LAMA5: variants seen among roughly 807,000 people sequenced by gnomAD.
LAMA5 encodes the protein laminin subunit alpha 5.
A neutral mutation model predicts 433.4 loss-of-function variants in LAMA5; 260 were observed. That is an observed-to-expected ratio of 0.60 (90% confidence interval 0.54 to 0.66). The LOEUF (loss-of-function observed/expected upper bound fraction) is 0.66, where lower values mean the gene tolerates loss of function less well. Among genes scored for constraint, LAMA5 ranks in the 30% least tolerant of loss-of-function variants. The pLI is 0.00. For missense variants in LAMA5, 5,378 were observed against 5,258.5 expected (o/e 1.02, Z -0.70); for synonymous variants, 2,620 against 2,226.6 (o/e 1.18, Z -4.97).
rs777400774 is a variant in LAMA5, at chr20:62,309,772, G to A, written c.10892C>T (p.Pro3631Leu). The A allele has an allele frequency of 3.7e-6, 6 of 1,605,158 alleles. No individual in the cohort carries two copies. The South Asian group carries it at 5.5e-5, about 15-fold the overall frequency. Residue 3631 changes from proline to leucine, a missense_variant, in exon 79 of 80, where the codon CCC (proline) becomes CTC (leucine). Transcript: ENST00000252999. ...VDAQSNHTVGPLLAAAAGAPA... is the reference protein window; with the variant it reads ...VDAQSNHTVGLLLAAAAGAPA... The stretch of plus-strand genomic sequence containing the variant: ...GGCACCAGCTGCAGCCGCCAGCAAG[G>A]GGCCCACGGTGTGGTTGCTCTGCGC...
Position 62,335,200 on chromosome 20 carries a change from T to C in LAMA5, c.2376+17A>G, listed in dbSNP as rs751541725. On this transcript the variant is annotated intron_variant, in intron 19 of 79. Coordinates refer to ENST00000252999, the MANE Select transcript of LAMA5 (RefSeq NM_005560.6). The stretch of plus-strand genomic sequence containing the variant: ...AGTGTGCCCCCAAATCCCCCACACC[T>C]TGGTCCTCAGACTCACCGGCTGGCA... 3 of 1,612,578 alleles carry C rather than the reference T, an allele frequency of 1.9e-6. No individual in the cohort carries two copies. Among genetic ancestry groups the C allele is most frequent in the Non-Finnish European group, 2.5e-6 (3 of 1,179,474 alleles).
chr20:62,313,932 G>A lies in LAMA5; in HGVS notation c.8505-130C>T, dbSNP rs549915910. ...TGGCGAGTGGGCACGGAGAGACGAG[G>A]GGTGGCGAGTGGGCATGGAGAGACG... On this transcript the variant is annotated intron_variant, in intron 62 of 79. Coordinates refer to ENST00000252999, the MANE Select transcript of LAMA5 (RefSeq NM_005560.6). 1.2e-3 allele frequency: 1,195 copies of A among 980,696 alleles called. 20 individuals carry two copies. Among genetic ancestry groups the A allele is most frequent in the African/African-American group, 2.6e-3 (146 of 55,374 alleles). The allele number at this position is 980,696 out of a possible 1,614,324, so 60.7% of individuals were successfully genotyped here.
rs765342834 is a variant in LAMA5, at chr20:62,346,120, C to T, written c.1378G>A (p.Val460Met). The stretch of plus-strand genomic sequence containing the variant: ...AAGCCCGTGAAGCCCTCGGCACACA[C>T]GTCACACCGCTCCCCAGAGAAGTTG... ...RPNFSGERCD[V>M]CAEGFTGFPS... The change falls in exon 10 of 80, where the codon GTG becomes ATG. Residue 460 changes from valine to methionine, a missense_variant. Physicochemically the swap from Val to Met is conservative, Grantham distance 21 (BLOSUM62 1). Coordinates refer to ENST00000252999, the MANE Select transcript of LAMA5 (RefSeq NM_005560.6). 44 of 1,612,958 alleles carry T rather than the reference C, an allele frequency of 2.7e-5. No individual in the cohort carries two copies. Among genetic ancestry groups the T allele is most frequent in the Middle Eastern group, 3.3e-4 (2 of 6,084 alleles).
chr20:62,310,469 G>C lies in LAMA5; in HGVS notation c.10550C>G (p.Pro3517Arg). The change falls in exon 76 of 80, where the codon CCC becomes CGC. Residue 3517 changes from proline (P) to arginine (R), a missense_variant. Coordinates refer to ENST00000252999, the MANE Select transcript of LAMA5 (RefSeq NM_005560.6). ...TGGGAAGAACAGGCCCGCCTCCAGG[G>C]GGCCCAAGATGCAGGGTGTGACCCC... ...MAGVTPCILG[P>R]LEAGLFFPGS... The C allele has an allele frequency of 6.3e-7, 1 of 1,598,236 alleles. No homozygotes were observed. The highest frequency in any genetic ancestry group is 1.1e-5 in the South Asian group (1 of 88,826).
intron 6 of LAMA5, chr20:62,351,255 G>T (rs1984244099): frequency 4.4e-6 from 1 of 227,980 alleles, no homozygotes; most frequent in Non-Finnish European, 8.8e-6. Context: ...AAGGTTGGGG[G>T]AGCTGGGCGG....
In LAMA5 at chr20:62,327,966, G is replaced by C. The variant is rs149169462; in HGVS notation, c.4697C>G (p.Pro1566Arg). ...GCAGCGGGGGTAGCCATGGAAGCCCGGAGAGCAGGTATCACAGCGGCGCCC... is the reference window on the plus strand; with the variant it reads ...GCAGCGGGGGTAGCCATGGAAGCCCCGAGAGCAGGTATCACAGCGGCGCCC... Reference protein sequence around the residue: ...VTGRRCDTCSPGFHGYPRCRP... With the variant: ...VTGRRCDTCSRGFHGYPRCRP... Residue 1566 changes from proline to arginine, a missense_variant, in exon 36 of 80, where the codon CCG becomes CGG. By Grantham distance (103) the Pro-to-Arg change is moderately radical (BLOSUM62 -2). Transcript: ENST00000252999. The C allele has an allele frequency of 6.2e-7, 1 of 1,612,430 alleles. No homozygotes were observed. The highest frequency in any genetic ancestry group is 8.5e-7 in the Non-Finnish European group (1 of 1,179,908).
rs370577513 is a variant in LAMA5 at position 62,309,795 on chromosome 20, C to T, written c.10869G>A (p.Ala3623=). 5.0e-6 allele frequency: 8 copies of T among 1,610,162 alleles called. No homozygotes were observed. The highest frequency in any genetic ancestry group is 1.3e-5 in the African/African-American group (1 of 74,690). The stretch of plus-strand genomic sequence containing the variant: ...AGGGGCCCACGGTGTGGTTGCTCTG[C>T]GCGTCCACCTCCAGCCGGAGCACAT... The part of the protein sequence containing the change: ...SGNVLRLEVD[A]QSNHTVGPLL... Residue 3623 remains alanine, a synonymous_variant, in exon 79 of 80, where the codon GCG becomes GCA. Transcript: ENST00000252999.
chr20:62,352,943 T>C (rs1036569337), intron 3 of LAMA5, 191 bp downstream of exon 3: 4 of 528,156 alleles, frequency 7.6e-6, no homozygotes, highest in Non-Finnish European at 1.0e-5. Flanking sequence ...GACTTGGCTG[T>C]GCCCGACGCC....
intron 6 of LAMA5, among the ~76,000 whole-genome samples, chr20:62,347,546 G>A (rs1041356797): frequency 6.6e-6 from 1 of 152,172 alleles, no homozygotes; most frequent in African/African-American, 2.4e-5. Flanking sequence ...GGACTCCTAG[G>A]CATCCTGGTC....
intron 10 of LAMA5, 33 bp downstream of exon 10, chr20:62,346,048 G>T: frequency 6.2e-7 from 1 of 1,611,046 alleles, no homozygotes; most frequent in Non-Finnish European, 8.5e-7. Context: ...GCAGGCAGTG[G>T]TGTCTGTTTG....
In LAMA5 at chr20:62,351,809, C is replaced by T. The variant is rs1984344662; in HGVS notation, c.859-8G>A. 4 of 1,599,736 alleles carry T rather than the reference C, an allele frequency of 2.5e-6. No homozygotes were observed. The highest frequency in any genetic ancestry group is 3.4e-6 in the Non-Finnish European group (4 of 1,174,900). On this transcript the variant is annotated splice_polypyrimidine_tract_variant and splice_region_variant and intron_variant, in intron 5 of 79. Coordinates refer to ENST00000252999, the MANE Select transcript of LAMA5 (RefSeq NM_005560.6). ...CTTGATGCTGTAATAATACTGCACC[C>T]GCAGGCCCCGTGAGCACCAGGCGGC...
In LAMA5 at chr20:62,338,093, C is replaced by T; in HGVS notation, c.1814G>A (p.Cys605Tyr). Residue 605 changes from cysteine (C) to tyrosine (Y), a missense_variant, in exon 14 of 80, where the codon TGC (cysteine) becomes TAC (tyrosine). By Grantham distance (194) the Cys-to-Tyr change is radical (BLOSUM62 -2). Transcript: ENST00000252999. ...LPEGCDEAGR[C>Y]LCQPEFAGPH... ...TCCAGCAAACTCAGGCTGGCATAGG[C>T]AGCGGCCGGCCTCATCGCAGCCCTC... 6.2e-7 allele frequency: 1 copy of T among 1,603,012 alleles called. No homozygotes were observed. The highest frequency in any genetic ancestry group is 1.1e-5 in the South Asian group (1 of 89,774).
At chr20:62,366,674 C>G (rs1030355700) in intron 1 of LAMA5, among the ~76,000 whole-genome samples, 1 of 152,232 alleles carries the variant, frequency 6.6e-6, no homozygotes, top group Non-Finnish European at 1.5e-5. Flanking sequence ...GCCCGGCCCC[C>G]CTCCCGCCCC....
chr20:62,330,991 C>G (rs763804571), intron 29 of LAMA5, 41 bp downstream of exon 29: 4 of 1,570,690 alleles, frequency 2.5e-6, no homozygotes, highest in Non-Finnish European at 3.5e-6. Context: ...TGCCGCCGGG[C>G]CCTCGGCCGC....
At chr20:62,366,518 T>G (rs1986744070) in intron 1 of LAMA5, among the ~76,000 whole-genome samples, 1 of 152,176 alleles carries the variant, frequency 6.6e-6, no homozygotes, top group African/African-American at 2.4e-5. Flanking sequence ...CTCAGGTGGC[T>G]GGCCCCTCCC....
intron 20 of LAMA5, 109 bp from the exon 21 acceptor site, chr20:62,334,730 G>GTCAGGGCTCAGGGC (rs149378083): frequency 0.01 from 6,301 of 610,938 alleles, 286 homozygotes; most frequent in African/African-American, 0.093. Context: ...ATGATGGAGA[G>GTCAGGGCTCAGGGC]TCAGGGCTCA....
chr20:62,342,302 CAAA>C, intron 11 of LAMA5: 2 of 325,496 alleles, frequency 6.1e-6, no homozygotes, highest in South Asian at 2.3e-5. Flanking sequence ...AACTCCATCT[CAAA>C]AAAAAAAGAT....
intron 6 of LAMA5, among the ~76,000 whole-genome samples, chr20:62,350,425 C>T (rs1984113124): frequency 6.6e-6 from 1 of 152,148 alleles, no homozygotes; most frequent in South Asian, 2.1e-4. Flanking sequence ...GACCCACCAG[C>T]CACATCCGAA....
rs2427295 is a variant in LAMA5 at position 62,352,375 on chromosome 20, G to A, written c.569-15C>T. ...CCTCTTGGAGGCTGCGGGGAATGGCGGGAGGGGAGGGCGCTGGATCACCAG... is the reference window on the plus strand; with the variant it reads ...CCTCTTGGAGGCTGCGGGGAATGGCAGGAGGGGAGGGCGCTGGATCACCAG... On this transcript the variant is annotated splice_polypyrimidine_tract_variant and intron_variant, in intron 3 of 79. Coordinates refer to ENST00000252999, the MANE Select transcript of LAMA5 (RefSeq NM_005560.6). 0.24 allele frequency: 385,955 copies of A among 1,582,454 alleles called. 48,315 individuals are homozygous for A. Among genetic ancestry groups the A allele is most frequent in the Non-Finnish European group, 0.26 (303,371 of 1,166,502 alleles).
Sources: gnomAD v4.1 joint callset for allele counts (sites outside exome capture counted in the v4.1 genomes callset) on GRCh38, gnomAD v4.1.1 for gene constraint, MANE v1.5 for transcripts, NCBI Gene and HGNC (gene_info 2026-07-23, HGNC 2026-07-21) for gene names.